Variants in ENTREP2 observed in about 807,000 individuals in gnomAD.
The protein encoded by ENTREP2 is protein ENTREP2.
the ENTREP2 span, among the ~76,000 whole-genome samples, chr15:29,423,631 CAAAA>C: frequency 2.2e-5 from 3 of 139,410 alleles, no homozygotes; most frequent in African/African-American, 5.2e-5. Flanking sequence ...ACTAAAAATA[CAAAA>C]AAAAAAAAAA....
the ENTREP2 span, among the ~76,000 whole-genome samples, chr15:29,637,542 A>G: frequency 6.6e-6 from 1 of 152,204 alleles, no homozygotes; most frequent in Non-Finnish European, 1.5e-5. Context: ...GAACCTGCCA[A>G]AATCAGAGTG....
At chr15:29,413,130 TCTC>T in the ENTREP2 span, among the ~76,000 whole-genome samples, 369 of 152,272 alleles carry the variant, frequency 2.4e-3, 1 homozygote, top group African/African-American at 8.5e-3. Flanking sequence ...GAGAATGTGA[TCTC>T]CTTGATATTC....
the ENTREP2 span, among the ~76,000 whole-genome samples, chr15:29,333,552 A>C: frequency 6.6e-6 from 1 of 152,190 alleles, no homozygotes; most frequent in Non-Finnish European, 1.5e-5. Flanking sequence ...GCAGCGAGCT[A>C]CACACAGACC....
the ENTREP2 span, among the ~76,000 whole-genome samples, chr15:29,360,462 C>T: frequency 2.0e-5 from 3 of 152,150 alleles, no homozygotes; most frequent in East Asian, 1.9e-4. Flanking sequence ...AGACTGAACA[C>T]GAGATCCTCC....
the ENTREP2 span, among the ~76,000 whole-genome samples, chr15:29,576,660 G>A: frequency 6.6e-6 from 1 of 152,174 alleles, no homozygotes; most frequent in Non-Finnish European, 1.5e-5. Context: ...GTGGGAAAAT[G>A]ACTTGAATAG....
chr15:29,166,874 G>A, the ENTREP2 span, among the ~76,000 whole-genome samples: 2 of 151,942 alleles, frequency 1.3e-5, no homozygotes, highest in Non-Finnish European at 1.5e-5. Flanking sequence ...GCAAGACGAA[G>A]CAAAAAGAAA....
At chr15:29,329,159 G>C in the ENTREP2 span, among the ~76,000 whole-genome samples, 2 of 151,952 alleles carry the variant, frequency 1.3e-5, no homozygotes, top group South Asian at 2.1e-4. Flanking sequence ...TCAGGGGATC[G>C]AGACCATCCT....
At chr15:29,641,050 G>A in the ENTREP2 span, among the ~76,000 whole-genome samples, 1 of 152,146 alleles carries the variant, frequency 6.6e-6, no homozygotes, top group Admixed American at 6.5e-5. Context: ...AATACACCAT[G>A]CCTTTACAAT....
chr15:29,226,160 C>G, the ENTREP2 span, among the ~76,000 whole-genome samples: 1 of 152,146 alleles, frequency 6.6e-6, no homozygotes. Context: ...ATGTATTAAT[C>G]CACTGAATCA....
chr15:29,269,763 T>C, the ENTREP2 span: 2 of 1,392,362 alleles, frequency 1.4e-6, no homozygotes, highest in South Asian at 3.2e-5. Flanking sequence ...CGGCGGGGAT[T>C]GCGGGTCGGC....
chr15:29,598,094 C>A, the ENTREP2 span, among the ~76,000 whole-genome samples: 1 of 151,304 alleles, frequency 6.6e-6, no homozygotes, highest in African/African-American at 2.4e-5. Flanking sequence ...CGCACTCTAG[C>A]CGGGGCAACA....
At chr15:29,603,175 T>A in the ENTREP2 span, among the ~76,000 whole-genome samples, 4 of 152,032 alleles carry the variant, frequency 2.6e-5, no homozygotes, top group Admixed American at 6.5e-5. Context: ...CCAGAAGAGA[T>A]GTGATGTGAC....
chr15:29,269,656 C>T, the ENTREP2 span: 2 of 1,567,852 alleles, frequency 1.3e-6, no homozygotes, highest in Admixed American at 3.7e-5. Context: ...GTCTCTGTCC[C>T]TCTCGGCCTG....
At chr15:29,514,477 C>T in the ENTREP2 span, among the ~76,000 whole-genome samples, 1 of 152,206 alleles carries the variant, frequency 6.6e-6, no homozygotes, top group Non-Finnish European at 1.5e-5. Flanking sequence ...ACTTGGGTAG[C>T]TCCCACCTTT....
chr15:29,196,879 G>A, the ENTREP2 span, among the ~76,000 whole-genome samples: 1 of 152,250 alleles, frequency 6.6e-6, no homozygotes, highest in Non-Finnish European at 1.5e-5. Flanking sequence ...TCATGCTGAT[G>A]TATGCACGGA....
chr15:29,182,500 G>A, the ENTREP2 span, among the ~76,000 whole-genome samples: 56,914 of 151,828 alleles, frequency 0.37, 10,890 homozygotes, highest in East Asian at 0.55. Flanking sequence ...TATATTTAAC[G>A]TAAGTTGATC....
chr15:29,612,077 G>A, the ENTREP2 span, among the ~76,000 whole-genome samples: 1 of 152,170 alleles, frequency 6.6e-6, no homozygotes, highest in Non-Finnish European at 1.5e-5. Flanking sequence ...CAGCTTTTCT[G>A]CATCTCTGTG....
the ENTREP2 span, among the ~76,000 whole-genome samples, chr15:29,454,136 C>A: frequency 0.016 from 2,482 of 152,268 alleles, 73 homozygotes; most frequent in African/African-American, 0.057. Flanking sequence ...TGAGACTGCA[C>A]CAGTTTGGTG....
chr15:29,641,441 A>C, the ENTREP2 span, among the ~76,000 whole-genome samples: 1 of 152,234 alleles, frequency 6.6e-6, no homozygotes, highest in Non-Finnish European at 1.5e-5. Flanking sequence ...TTAATATTAG[A>C]ACTAATAAAT....
Sources: gnomAD v4.1 joint callset for allele counts (sites outside exome capture counted in the v4.1 genomes callset) on GRCh38, gnomAD v4.1.1 for gene constraint, MANE v1.5 for transcripts, NCBI Gene and HGNC (gene_info 2026-07-23, HGNC 2026-07-21) for gene names.